PRRT1: variants seen among roughly 807,000 people sequenced by gnomAD.
The protein encoded by PRRT1 is proline-rich transmembrane protein 1.
A neutral mutation model predicts 22.6 loss-of-function variants in PRRT1; 8 were observed. The observed-to-expected ratio is 0.35, with a 90% CI of 0.21 to 0.64. The LOEUF is 0.64. PRRT1 is among the 30% of genes least tolerant of loss of function. PRRT1 has a pLI of 0.69. For missense variants in PRRT1, 315 were observed against 444.5 expected (o/e 0.71, Z 2.62); for synonymous variants, 176 against 203.6 (o/e 0.86, Z 1.15).
At chr6:32,151,163 A>T in intron 1 of PRRT1, 1 of 687,918 alleles carries the variant, frequency 1.5e-6, no homozygotes, top group Non-Finnish European at 2.6e-6. Context: ...TGTCTTTTTC[A>T]TCACCATGCA....
In PRRT1 at chr6:32,148,925, G is replaced by T; in HGVS notation, c.*297C>A. ...TTTAGGGACCAAACCGAGGTTGCTC[G>T]GTTGGGGGCGCTACACTTTGAGGGT... On this transcript the variant is annotated 3_prime_UTR_variant, in exon 4 of 4. Coordinates refer to ENST00000211413, the MANE Select transcript of PRRT1 (RefSeq NM_030651.4). The surrounding 1 kb of genome is among the most constrained non-coding windows in gnomAD (Gnocchi z 5.7). 1.5e-6 allele frequency: 1 copy of T among 669,048 alleles called. No homozygotes were observed. Among genetic ancestry groups the T allele is most frequent in the Non-Finnish European group, 2.8e-6 (1 of 363,542 alleles). The allele number at this position is 669,048 out of a possible 1,614,324, so 41.4% of individuals were successfully genotyped here. A position where few individuals can be genotyped will look rare whatever the true frequency, so the allele number is the denominator to read the frequency against.
At position 32,149,506 on chromosome 6, in the gene PRRT1, C is replaced by A; in HGVS notation, c.744+31G>T. ...GAACGCCCAGAACTCCCTGTCCCCG[C>A]CCCCAAACCGAGTATGCCCCTGCCC... On this transcript the variant is annotated intron_variant, in intron 3 of 3. Transcript: ENST00000211413. This position sits in a 1 kb window ranked among gnomAD's most constrained non-coding sequence, Gnocchi z 8.7. 6.2e-7 allele frequency: 1 copy of A among 1,611,528 alleles called. No homozygotes were observed. The highest frequency in any genetic ancestry group is 8.5e-7 in the Non-Finnish European group (1 of 1,179,158).
In PRRT1 at chr6:32,149,749, G is replaced by GTGAT; in HGVS notation, c.559-28_559-27insATCA. The GTGAT allele has an allele frequency of 1.4e-6, 2 of 1,477,490 alleles. No homozygotes were observed. Among genetic ancestry groups the GTGAT allele is most frequent in the Non-Finnish European group, 1.8e-6 (2 of 1,098,810 alleles). The allele number at this position is 1,477,490 out of a possible 1,614,324, so 91.5% of individuals were successfully genotyped here. A position where few individuals can be genotyped will look rare whatever the true frequency, so the allele number is the denominator to read the frequency against. On this transcript the variant is annotated intron_variant, in intron 2 of 3. Coordinates refer to ENST00000211413, the MANE Select transcript of PRRT1 (RefSeq NM_030651.4). The surrounding 1 kb of genome is among the most constrained non-coding windows in gnomAD (Gnocchi z 8.7). ...TGTGGAAGGAAATTTGGGGGGCAGG[G>GTGAT]GCATCACTCTGACCCTCTCCCAGCC...
In PRRT1 at chr6:32,150,503, G is replaced by C; in HGVS notation, c.423C>G (p.Ala141=). The C allele has an allele frequency of 6.9e-7, 1 of 1,441,084 alleles. No homozygotes were observed. Among genetic ancestry groups the C allele is most frequent in the Non-Finnish European group, 9.1e-7 (1 of 1,101,902 alleles). 89.3% of individuals were successfully genotyped at this position (1,441,084 alleles called of 1,614,324 possible). Residue 141 remains alanine, a synonymous_variant, in exon 2 of 4, where the codon GCC becomes GCG. Transcript: ENST00000211413. This position sits in a 1 kb window ranked among gnomAD's most constrained non-coding sequence, Gnocchi z 7.2. ...APPPPAPAQT[A]QAPGFVVPTH... ...TGGGCACCACGAAGCCAGGGGCCTG[G>C]GCAGTCTGGGCTGGCGCCGGCGGGG...
At position 32,150,755 on chromosome 6, in the gene PRRT1, C is replaced by G; in HGVS notation, c.171G>C (p.Pro57=). 6.5e-7 allele frequency: 1 copy of G among 1,536,564 alleles called. No homozygotes were observed. The highest frequency in any genetic ancestry group is 8.8e-7 in the Non-Finnish European group (1 of 1,140,742). Residue 57 remains proline, a synonymous_variant, in exon 2 of 4, where the codon CCG becomes CCC. Transcript: ENST00000211413. This position sits in a 1 kb window ranked among gnomAD's most constrained non-coding sequence, Gnocchi z 7.2. The part of the protein sequence containing the change: ...HYHQSGTATL[P]RLGAGGLASS... ...AGGCCAGGCCCCCTGCCCCTAAGCG[C>G]GGGAGGGTGGCGGTGCCAGACTGAT...
Position 32,148,442 on chromosome 6 carries a change from G to A in PRRT1, c.*780C>T. On this transcript the variant is annotated 3_prime_UTR_variant, in exon 4 of 4. Coordinates refer to ENST00000211413, the MANE Select transcript of PRRT1 (RefSeq NM_030651.4). This position sits in a 1 kb window ranked among gnomAD's most constrained non-coding sequence, Gnocchi z 5.7. ...GATCAGAACAAGGCGGGGCCGCCGA[G>A]GGGAGCGGGGAGCGGGGACTTGGGA... The A allele has an allele frequency of 3.9e-6, 1 of 257,906 alleles. No individual in the cohort carries two copies. Among genetic ancestry groups the A allele is most frequent in the Non-Finnish European group, 7.8e-6 (1 of 127,988 alleles). 16.0% of individuals were successfully genotyped at this position (257,906 alleles called of 1,614,324 possible).
chr6:32,151,528 A>G (rs1057372577), intron 1 of PRRT1: 1 of 557,546 alleles, frequency 1.8e-6, no homozygotes, highest in Admixed American at 3.2e-5. Context: ...GTCACTCCCA[A>G]TGATGCCATC....
At chr6:32,151,503 A>G (rs1783274925) in intron 1 of PRRT1, 4 of 524,738 alleles carry the variant, frequency 7.6e-6, no homozygotes, top group Non-Finnish European at 1.4e-5. Flanking sequence ...CATGCCAGCC[A>G]GTGATTGTCC....
upstream of PRRT1, chr6:32,151,988 C>CGGGGGGGGGG: frequency 1.4e-5 from 1 of 72,098 alleles, no homozygotes; most frequent in Admixed American, 2.4e-4. Flanking sequence ...GGAGGGAGAG[C>CGGGGGGGGGG]GGGGAGGGGG....
chr6:32,150,260 T>A lies in PRRT1; in HGVS notation c.558+108A>T. On this transcript the variant is annotated intron_variant, in intron 2 of 3. Coordinates refer to ENST00000211413, the MANE Select transcript of PRRT1 (RefSeq NM_030651.4). The surrounding 1 kb of genome is among the most constrained non-coding windows in gnomAD (Gnocchi z 7.2). ...TAGGGCTTGTCCCGGGAACACTACC[T>A]GTTCCCTGCCCTTGTTCCTCTATCC... The A allele has an allele frequency of 7.3e-7, 1 of 1,365,792 alleles. No individual in the cohort carries two copies. Among genetic ancestry groups the A allele is most frequent in the Non-Finnish European group, 9.6e-7 (1 of 1,036,554 alleles). The allele number at this position is 1,365,792 out of a possible 1,614,324, so 84.6% of individuals were successfully genotyped here. A position where few individuals can be genotyped will look rare whatever the true frequency, so the allele number is the denominator to read the frequency against.
chr6:32,151,951 C>CGGCGGGGG, upstream of PRRT1: 1 of 214,888 alleles, frequency 4.7e-6, no homozygotes, highest in Non-Finnish European at 8.4e-6. Context: ...AAGGCAGCGG[C>CGGCGGGGG]GGGGGGGGGG....
chr6:32,149,544 G>A lies in PRRT1; in HGVS notation c.737C>T (p.Ala246Val). ...TATGCCCCTGCCCCCTACCTGCACG[G>A]CCTTGAAGATGGCAATGATGCCAGT... ...WPTGIIAIFK[A>V]VQVRTALARG... Residue 246 changes from alanine to valine, a missense_variant, in exon 3 of 4, where the codon GCC becomes GTC. By Grantham distance (64) the Ala-to-Val change is moderately conservative (BLOSUM62 0). Coordinates refer to ENST00000211413, the MANE Select transcript of PRRT1 (RefSeq NM_030651.4). The surrounding 1 kb of genome is among the most constrained non-coding windows in gnomAD (Gnocchi z 8.7). The A allele has an allele frequency of 1.2e-6, 2 of 1,613,078 alleles. No individual in the cohort carries two copies. Among genetic ancestry groups the A allele is most frequent in the Non-Finnish European group, 1.7e-6 (2 of 1,180,020 alleles).
chr6:32,150,444 C>T lies in PRRT1; in HGVS notation c.482G>A (p.Gly161Glu). ...GGGGTATCCGGGCGCTACGTAGCCCCCCAGCGGCAGCGTGCCCACAGTCCC... is the reference window on the plus strand; with the variant it reads ...GGGGTATCCGGGCGCTACGTAGCCCTCCAGCGGCAGCGTGCCCACAGTCCC... Reference protein sequence around the residue: ...HAGTVGTLPLGGYVAPGYPLQ... With the variant: ...HAGTVGTLPLEGYVAPGYPLQ... Residue 161 changes from glycine (G) to glutamate (E), a missense_variant, in exon 2 of 4, where the codon GGG becomes GAG. Physicochemically the swap from Gly to Glu is moderately conservative, Grantham distance 98. Transcript: ENST00000211413. The surrounding 1 kb of genome is among the most constrained non-coding windows in gnomAD (Gnocchi z 7.2). 6.6e-7 allele frequency: 1 copy of T among 1,524,318 alleles called. No individual in the cohort carries two copies. Among genetic ancestry groups the T allele is most frequent in the Non-Finnish European group, 8.7e-7 (1 of 1,143,030 alleles). The allele number at this position is 1,524,318 out of a possible 1,614,324, so 94.4% of individuals were successfully genotyped here.
Position 32,149,737 on chromosome 6 carries a change from T to C in PRRT1, c.559-15A>G, listed in dbSNP as rs774285140. ...CCTGCATATGGCTGTGGAAGGAAAT[T>C]TGGGGGGCAGGGGCATCACTCTGAC... On this transcript the variant is annotated splice_polypyrimidine_tract_variant and intron_variant, in intron 2 of 3. Transcript: ENST00000211413. This position sits in a 1 kb window ranked among gnomAD's most constrained non-coding sequence, Gnocchi z 8.7. 16 of 1,533,904 alleles carry C rather than the reference T, an allele frequency of 1.0e-5. No individual in the cohort carries two copies. The highest frequency in any genetic ancestry group is 1.3e-5 in the Non-Finnish European group (15 of 1,140,074).
At position 32,149,954 on chromosome 6, in the gene PRRT1, G is replaced by C; in HGVS notation, c.559-232C>G. The C allele has an allele frequency of 1.8e-6, 1 of 558,752 alleles. No individual in the cohort carries two copies. The highest frequency in any genetic ancestry group is 2.4e-5 in the South Asian group (1 of 41,558). 34.6% of individuals were successfully genotyped at this position (558,752 alleles called of 1,614,324 possible). A position where few individuals can be genotyped will look rare whatever the true frequency, so the allele number is the denominator to read the frequency against. On this transcript the variant is annotated intron_variant, in intron 2 of 3. Coordinates refer to ENST00000211413, the MANE Select transcript of PRRT1 (RefSeq NM_030651.4). This position sits in a 1 kb window ranked among gnomAD's most constrained non-coding sequence, Gnocchi z 8.7. ...GGCTTTCTACATTCTCTCCCGCAAGGTATGGTCCCACTGGGGCTGTCCTGG... is the reference window on the plus strand; with the variant it reads ...GGCTTTCTACATTCTCTCCCGCAAGCTATGGTCCCACTGGGGCTGTCCTGG...
chr6:32,149,994 T>C lies in PRRT1; in HGVS notation c.559-272A>G. On this transcript the variant is annotated intron_variant, in intron 2 of 3. Coordinates refer to ENST00000211413, the MANE Select transcript of PRRT1 (RefSeq NM_030651.4). This position sits in a 1 kb window ranked among gnomAD's most constrained non-coding sequence, Gnocchi z 8.7. The stretch of plus-strand genomic sequence containing the variant: ...GGCTGTCCTGGCCTCAGGTCAGACC[T>C]TCTTTCTTCCCTCCAGACACCTACC... The C allele has an allele frequency of 1.9e-6, 1 of 518,732 alleles. No individual in the cohort carries two copies. The highest frequency in any genetic ancestry group is 3.4e-6 in the Non-Finnish European group (1 of 297,454). 32.1% of individuals were successfully genotyped at this position (518,732 alleles called of 1,614,324 possible).
At chr6:32,151,672 G>C (rs554698543) in intron 1 of PRRT1, 137 bp downstream of exon 1, 1 of 634,926 alleles carries the variant, frequency 1.6e-6, no homozygotes, top group African/African-American at 1.8e-5. Context: ...AGGGGGACTG[G>C]GGGAGTGTTG....
chr6:32,148,946 A>G lies in PRRT1; in HGVS notation c.*276T>C, dbSNP rs1441966832. ...GCTCGGTTGGGGGCGCTACACTTTG[A>G]GGGTGAGGGGGCCTGGAGCGACTGA... On this transcript the variant is annotated 3_prime_UTR_variant, in exon 4 of 4. Transcript: ENST00000211413. This position sits in a 1 kb window ranked among gnomAD's most constrained non-coding sequence, Gnocchi z 5.7. 2.9e-6 allele frequency: 2 copies of G among 683,914 alleles called. No individual in the cohort carries two copies. Among genetic ancestry groups the G allele is most frequent in the Non-Finnish European group, 5.4e-6 (2 of 373,186 alleles). The allele number at this position is 683,914 out of a possible 1,614,324, so 42.4% of individuals were successfully genotyped here.
chr6:32,151,961 G>C, upstream of PRRT1: 1 of 303,104 alleles, frequency 3.3e-6, no homozygotes, highest in African/African-American at 3.2e-5. Context: ...CGGGGGGGGG[G>C]GGCGGGGGGG....
Sources: allele counts gnomAD v4.1 joint callset, GRCh38; gene constraint gnomAD v4.1.1; non-coding constraint Gnocchi (gnomAD v3.1); transcripts MANE v1.5; gene names NCBI Gene and HGNC (gene_info 2026-07-23, HGNC 2026-07-21).